The following ZNF350 variants were observed in gnomAD, a reference collection of about 807,000 sequenced individuals.
ZNF350 encodes the protein zinc finger protein 350.
Under a neutral mutation model 13.1 loss-of-function variants are expected in ZNF350, and 5 were observed. The ratio of observed to expected loss-of-function variants is 0.38; its 90% CI spans 0.20 to 0.80. The LOEUF (loss-of-function observed/expected upper bound fraction) is 0.80, where lower values mean the gene tolerates loss of function less well. Ranked by LOEUF, ZNF350 falls within the 30% of genes least tolerant of loss-of-function variation. The pLI is 0.43. For synonymous variants in ZNF350, 199 were observed against 224.2 expected (o/e 0.89, Z 1.00); for missense variants, 534 against 644.2 (o/e 0.83, Z 1.85).
chr19:51,983,736 C>A (rs1429309538), intron 1 of ZNF350, among the ~76,000 whole-genome samples: 3 of 152,160 alleles, frequency 2.0e-5, no homozygotes, highest in Non-Finnish European at 4.4e-5. Flanking sequence ...CTGCCACACC[C>A]CCCTCACCAA....
At chr19:51,969,638 C>A (rs1274330280) in intron 2 of ZNF350, among the ~76,000 whole-genome samples, 2 of 151,948 alleles carry the variant, frequency 1.3e-5, no homozygotes, top group Non-Finnish European at 2.9e-5. Flanking sequence ...TCAAGACCAG[C>A]CTGGGCAACA....
intron 1 of ZNF350, among the ~76,000 whole-genome samples, chr19:51,984,751 G>A (rs2086129615): frequency 6.6e-6 from 1 of 152,174 alleles, no homozygotes; most frequent in South Asian, 2.1e-4. Context: ...TTGAAAGACT[G>A]TAAAACAAAA....
intron 1 of ZNF350, among the ~76,000 whole-genome samples, chr19:51,979,051 C>T (rs1012215193): frequency 1.4e-4 from 21 of 152,030 alleles, no homozygotes; most frequent in African/African-American, 2.4e-4. Flanking sequence ...GGGTGGCCAA[C>T]CATGGGCCCA....
At position 51,976,802 on chromosome 19, in the gene ZNF350, C is replaced by T. The variant is rs999467613; in HGVS notation, c.-171-2271G>A. On this transcript the variant is annotated intron_variant, in intron 1 of 4. Coordinates refer to ENST00000243644, the MANE Select transcript of ZNF350 (RefSeq NM_021632.4). The surrounding 1 kb of genome is among the most constrained non-coding windows in gnomAD (Gnocchi z 4.5). ...AACCCATCGTTTCCACAGGCAGGCA[C>T]TCTTGATGTGGAAAATTGGGATACA... 2 of 152,214 alleles carry T rather than the reference C, an allele frequency of 1.3e-5. No individual in the cohort carries two copies. The highest frequency in any genetic ancestry group is 4.8e-5 in the African/African-American group (2 of 41,452). The allele number at this position is 152,214 out of a possible 1,614,324, so 9.4% of individuals were successfully genotyped here.
rs1425770394 is a variant in ZNF350, at chr19:51,964,809, C to T, written c.*45G>A. ...TGCTTTTCGGCCACATAATGAACTACAAATTTTTGCTCAACCCTTTTCCAC... is the reference window on the plus strand; with the variant it reads ...TGCTTTTCGGCCACATAATGAACTATAAATTTTTGCTCAACCCTTTTCCAC... On this transcript the variant is annotated 3_prime_UTR_variant, in exon 5 of 5. Coordinates refer to ENST00000243644, the MANE Select transcript of ZNF350 (RefSeq NM_021632.4). 2 of 1,564,750 alleles carry T rather than the reference C, an allele frequency of 1.3e-6. No individual in the cohort carries two copies. The highest frequency in any genetic ancestry group is 1.8e-5 in the Admixed American group (1 of 54,872).
At chr19:51,978,158 G>A (rs533719256) in intron 1 of ZNF350, among the ~76,000 whole-genome samples, 7 of 152,288 alleles carry the variant, frequency 4.6e-5, no homozygotes, top group African/African-American at 1.7e-4. Flanking sequence ...CTCAAACAAT[G>A]AGGGCATTCC....
chr19:51,966,666 G>T (rs1268641129), intron 4 of ZNF350, among the ~76,000 whole-genome samples: 1 of 146,956 alleles, frequency 6.8e-6, no homozygotes, highest in Non-Finnish European at 1.5e-5. Flanking sequence ...TTGTTTTTTG[G>T]GGACGGAGTC....
Position 51,964,759 on chromosome 19 carries a change from GC to G in ZNF350, c.*94del. The G allele has an allele frequency of 7.1e-7, 1 of 1,398,754 alleles. No individual in the cohort carries two copies. The highest frequency in any genetic ancestry group is 9.7e-7 in the Non-Finnish European group (1 of 1,029,394). The allele number at this position is 1,398,754 out of a possible 1,614,324, so 86.6% of individuals were successfully genotyped here. Reference sequence around the variant, plus strand: ...AGGATGAGTTTATCAGGCTATCTCAGCCTTATACATGTTCTCTCAGTGTATG... The same window carrying G: ...AGGATGAGTTTATCAGGCTATCTCAGCTTATACATGTTCTCTCAGTGTATG... On this transcript the variant is annotated 3_prime_UTR_variant, in exon 5 of 5. Transcript: ENST00000243644.
chr19:51,975,547 A>T (rs1288650428), intron 1 of ZNF350, among the ~76,000 whole-genome samples: 1 of 152,164 alleles, frequency 6.6e-6, no homozygotes, highest in Non-Finnish European at 1.5e-5. Flanking sequence ...TCAAAAACAG[A>T]GCAAAAAGAG....
intron 4 of ZNF350, chr19:51,967,345 CG>C (rs1201721569): frequency 6.6e-6 from 1 of 151,800 alleles, no homozygotes; most frequent in African/African-American, 2.4e-5. Context: ...GTGGAGGTTG[CG>C]GTGAGCCAAG....
chr19:51,977,868 A>G (rs1288578856), intron 1 of ZNF350, among the ~76,000 whole-genome samples: 3 of 152,258 alleles, frequency 2.0e-5, no homozygotes, highest in African/African-American at 7.2e-5. Flanking sequence ...AGCATAAGCA[A>G]TGGCTAATTT....
intron 2 of ZNF350, among the ~76,000 whole-genome samples, chr19:51,970,793 C>T (rs955440159): frequency 5.3e-5 from 8 of 152,148 alleles, no homozygotes; most frequent in Non-Finnish European, 7.3e-5. Flanking sequence ...GAAGTCTACA[C>T]GTAGGCACAA....
In ZNF350 at chr19:51,965,068, G is replaced by A. The variant is rs781559427; in HGVS notation, c.1385C>T (p.Thr462Ile). 2 of 1,614,194 alleles carry A rather than the reference G, an allele frequency of 1.2e-6. No individual in the cohort carries two copies. Among genetic ancestry groups the A allele is most frequent in the East Asian group, 2.2e-5 (1 of 44,882 alleles). ...QEKNSANGAT[T>I]QVPSVAPQTS... ...CTGAGGGGCCACAGAAGGCACTTGTGTAGTCGCCCCGTTAGCAGAGTTTTT... is the reference window on the plus strand; with the variant it reads ...CTGAGGGGCCACAGAAGGCACTTGTATAGTCGCCCCGTTAGCAGAGTTTTT... The change falls in exon 5 of 5, where the codon ACA becomes ATA. Residue 462 changes from threonine (T) to isoleucine (I), a missense_variant. Coordinates refer to ENST00000243644, the MANE Select transcript of ZNF350 (RefSeq NM_021632.4).
chr19:51,969,283 A>G (rs1436392296), intron 2 of ZNF350, 152 bp from the exon 3 acceptor site: 14 of 828,018 alleles, frequency 1.7e-5, no homozygotes, highest in Middle Eastern at 5.3e-4. Context: ...AAGTCCTAAT[A>G]TAATATTCTG....
At position 51,966,224 on chromosome 19, in the gene ZNF350, A is replaced by C; in HGVS notation, c.239-10T>G. ...TCAACTTTCCATATGTCTAGAAAGAAAAGAACAAAGATTTCTATCATTTAG... is the reference window on the plus strand; with the variant it reads ...TCAACTTTCCATATGTCTAGAAAGACAAGAACAAAGATTTCTATCATTTAG... On this transcript the variant is annotated splice_polypyrimidine_tract_variant and intron_variant, in intron 4 of 4. Coordinates refer to ENST00000243644, the MANE Select transcript of ZNF350 (RefSeq NM_021632.4). 2 of 1,539,398 alleles carry C rather than the reference A, an allele frequency of 1.3e-6. No homozygotes were observed. Among genetic ancestry groups the C allele is most frequent in the Non-Finnish European group, 1.7e-6 (2 of 1,148,286 alleles).
intron 1 of ZNF350, among the ~76,000 whole-genome samples, chr19:51,975,737 ATTTTAT>A (rs1446858957): frequency 6.6e-6 from 1 of 152,184 alleles, no homozygotes; most frequent in Non-Finnish European, 1.5e-5. Flanking sequence ...TCTGGGGTTT[ATTTTAT>A]TTTATTTTAA....
At chr19:51,975,620 TA>T (rs1320836550) in intron 1 of ZNF350, among the ~76,000 whole-genome samples, 1 of 152,200 alleles carries the variant, frequency 6.6e-6, no homozygotes, top group Non-Finnish European at 1.5e-5. Flanking sequence ...TACATTACAT[TA>T]AGTATTTTAT....
intron 2 of ZNF350, chr19:51,973,165 C>A (rs1158538876): frequency 6.6e-6 from 1 of 152,000 alleles, no homozygotes; most frequent in Non-Finnish European, 1.5e-5. Flanking sequence ...CCAGGATGGT[C>A]TCGATCTCCA....
chr19:51,970,353 G>A (rs6509609), intron 2 of ZNF350, among the ~76,000 whole-genome samples: 33,885 of 151,722 alleles, frequency 0.22, 4,713 homozygotes, highest in African/African-American at 0.4. Context: ...GTGAGCCACC[G>A]TGCCCAGCCC....
Sources: gnomAD v4.1 joint callset for allele counts (sites outside exome capture counted in the v4.1 genomes callset) on GRCh38, gnomAD v4.1.1 for gene constraint, Gnocchi (gnomAD v3.1) non-coding constraint, MANE v1.5 for transcripts, NCBI Gene and HGNC (gene_info 2026-07-23, HGNC 2026-07-21) for gene names.